Variants in DIDO1 observed in about 807,000 individuals in gnomAD.
DIDO1 encodes death inducer-obliterator 1.
Under a neutral mutation model 99.4 loss-of-function variants are expected in DIDO1, and 16 were observed. That is an observed-to-expected ratio of 0.16 (90% CI 0.11 to 0.24). The LOEUF (loss-of-function observed/expected upper bound fraction) is 0.24. Ranked by LOEUF, DIDO1 falls within the 10% of genes least tolerant of loss-of-function variation. The pLI, the probability that DIDO1 is intolerant of heterozygous loss-of-function variation, is 1.00. For synonymous variants in DIDO1, 1,366 were observed against 1,239.1 expected, an observed-to-expected ratio of 1.10 and a Z score of -2.15; for missense variants, 2,996 against 3,014.0, an observed-to-expected ratio of 0.99 and a Z score of 0.14.
At chr20:62,899,035 G>A (rs919787055) in intron 6 of DIDO1, among the ~76,000 whole-genome samples, 3 of 152,136 alleles carry the variant, frequency 2.0e-5, no homozygotes, top group Non-Finnish European at 4.4e-5. Context: ...AGCAGCGAGG[G>A]GGTGGGGTGA....
rs1356764431 is a variant in DIDO1, at chr20:62,926,123, A to C, written c.-200+316T>G. Among the ~76,000 whole-genome samples the C allele has an allele frequency of 2.0e-5, 3 of 148,594 alleles. No individual in the cohort carries two copies. The East Asian group carries it at 6.0e-4, about 30-fold the overall frequency. ...CTCTTCCCCGCGAGCGGCCGCCCCG[A>C]CTCCCACCCTCGGAACCGTTCCAGC... is the stretch of plus-strand genomic sequence containing the variant. On this transcript the variant is annotated intron_variant, in intron 1 of 15. Transcript: ENST00000395343.
chr20:62,934,781 C>T (rs529567119), intron 1 of DIDO1, among the ~76,000 whole-genome samples: 3 of 152,344 alleles, frequency 2.0e-5, no homozygotes, highest in Admixed American at 2.0e-4. Context: ...CTGGACTTCC[C>T]TGCCGCCTGG....
chr20:62,933,762 T>C (rs2065353326), intron 1 of DIDO1, among the ~76,000 whole-genome samples: 1 of 152,080 alleles, frequency 6.6e-6, no homozygotes, highest in Non-Finnish European at 1.5e-5. Flanking sequence ...TCCCAGCTAC[T>C]CAAGAGGCTA....
chr20:62,881,174 A>C lies in DIDO1; in HGVS notation c.4782T>G (p.Asp1594Glu). ...RGAQGALPER[D>E]ASRGGLVGQA... Reference sequence around the variant, plus strand: ...GGCCCACGAGGCCACCCCTGGAAGCATCTCTCTCGGGCAGGGCACCCTGGG... The same window carrying C: ...GGCCCACGAGGCCACCCCTGGAAGCCTCTCTCTCGGGCAGGGCACCCTGGG... Residue 1594 changes from aspartate (D) to glutamate (E), a missense_variant, in exon 16 of 16, where the codon GAT (aspartate) becomes GAG (glutamate). Physicochemically the swap from Asp to Glu is conservative, Grantham distance 45. This residue lies in a region of DIDO1 where 1,562 missense variants were observed against 1,412.6 expected (regional missense o/e 1.11). Coordinates refer to ENST00000395343, the MANE Select transcript of DIDO1 (RefSeq NM_001193369.2). The surrounding 1 kb of genome is among the most constrained non-coding windows in gnomAD (Gnocchi z 8.3). The C allele has an allele frequency of 1.2e-6, 2 of 1,608,592 alleles. No homozygotes were observed. Among genetic ancestry groups the C allele is most frequent in the South Asian group, 2.2e-5 (2 of 91,006 alleles).
Position 62,911,039 on chromosome 20 carries a change from G to A in DIDO1, c.574C>T (p.Arg192Cys), listed in dbSNP as rs140107767. 11 of 1,613,442 alleles carry A rather than the reference G, an allele frequency of 6.8e-6. No individual in the cohort carries two copies. The highest frequency in any genetic ancestry group is 1.3e-5 in the African/African-American group (1 of 74,904). Residue 192 changes from arginine (R) to cysteine (C), a missense_variant, in exon 3 of 16, where the codon CGC (arginine) becomes TGC (cysteine). Arg to Cys is a radical substitution (Grantham distance 180). Coordinates refer to ENST00000395343, the MANE Select transcript of DIDO1 (RefSeq NM_001193369.2). The surrounding 1 kb of genome is among the most constrained non-coding windows in gnomAD (Gnocchi z 7.0). ...GTCTCGGCGGGACCCTCCTCCCGGC[G>A]CTTCTTCCGCAGGCGACTCTGGATC... ...KGIQSRLRKK[R>C]REEGPAETVG...
chr20:62,922,243 T>C (rs8118931), intron 1 of DIDO1, among the ~76,000 whole-genome samples: 55,411 of 113,924 alleles, frequency 0.49, 11,894 homozygotes, highest in African/African-American at 0.68. Context: ...TATATATATA[T>C]ACACACACAC....
chr20:62,882,216 C>T lies in DIDO1; in HGVS notation c.3740G>A (p.Cys1247Tyr), dbSNP rs760547791. 1.9e-6 allele frequency: 3 copies of T among 1,613,584 alleles called. No individual in the cohort carries two copies. Among genetic ancestry groups the T allele is most frequent in the African/African-American group, 2.7e-5 (2 of 74,896 alleles). The change falls in exon 16 of 16, where the codon TGC becomes TAC. Residue 1247 changes from cysteine (C) to tyrosine (Y), a missense_variant. Physicochemically the swap from Cys to Tyr is radical, Grantham distance 194. This residue lies in a region of DIDO1 where 1,562 missense variants were observed against 1,412.6 expected (regional missense o/e 1.11). Coordinates refer to ENST00000395343, the MANE Select transcript of DIDO1 (RefSeq NM_001193369.2). ...GGTGCTGACAGCCGCGTCTGCAGAG[C>T]AGAGTGGATACTTGGAGGGCTTCTT... ...SEKKPSKYPL[C>Y]SADAAVSTTP...
In DIDO1 at chr20:62,895,174, A is replaced by G; in HGVS notation, c.2215-9T>C. 3 of 1,595,072 alleles carry G rather than the reference A, an allele frequency of 1.9e-6. No individual in the cohort carries two copies. Among genetic ancestry groups the G allele is most frequent in the Non-Finnish European group, 2.6e-6 (3 of 1,163,862 alleles). On this transcript the variant is annotated splice_polypyrimidine_tract_variant and intron_variant, in intron 8 of 15. Coordinates refer to ENST00000395343, the MANE Select transcript of DIDO1 (RefSeq NM_001193369.2). ...ACACGATGGAAGAGTCCCTATAAAC[A>G]AGTATTTTTCATTTACTCAAATAAT...
Position 62,906,107 on chromosome 20 carries a change from A to C in DIDO1, c.1375-7T>G, listed in dbSNP as rs776463991. 1.2e-6 allele frequency: 2 copies of C among 1,602,812 alleles called. No individual in the cohort carries two copies. Among genetic ancestry groups the C allele is most frequent in the African/African-American group, 1.3e-5 (1 of 74,314 alleles). On this transcript the variant is annotated splice_region_variant and splice_polypyrimidine_tract_variant and intron_variant, in intron 5 of 15. Transcript: ENST00000395343. Reference sequence around the variant, plus strand: ...AAGAGATTTTAATACCTGCCTGGATAATCAGTAAAACCCCAAATCATTAAA... The same window carrying C: ...AAGAGATTTTAATACCTGCCTGGATCATCAGTAAAACCCCAAATCATTAAA...
intron 1 of DIDO1, among the ~76,000 whole-genome samples, chr20:62,919,118 C>G (rs2065089961): frequency 1.3e-5 from 2 of 152,216 alleles, no homozygotes; most frequent in Non-Finnish European, 2.9e-5. Flanking sequence ...TTTGGGCCCA[C>G]AAGGAACTGA....
At chr20:62,929,592 G>A (rs1384079724), upstream of DIDO1, among the ~76,000 whole-genome samples, 1 of 151,164 alleles carries the variant, frequency 6.6e-6, no homozygotes, top group Non-Finnish European at 1.5e-5. Flanking sequence ...GGCGCGCCGG[G>A]GGCTGTATCG....
At chr20:62,901,172 C>T (rs904758910) in intron 6 of DIDO1, among the ~76,000 whole-genome samples, 2 of 152,194 alleles carry the variant, frequency 1.3e-5, no homozygotes, top group Non-Finnish European at 2.9e-5. Flanking sequence ...GACTACATCG[C>T]AGACGCTCCT....
intron 2 of DIDO1, among the ~76,000 whole-genome samples, chr20:62,912,289 T>C (rs566036904): frequency 1.3e-5 from 2 of 152,338 alleles, no homozygotes; most frequent in Non-Finnish European, 2.9e-5. Context: ...GTGAGAGAAC[T>C]GCCTAACTCC....
Position 62,880,142 on chromosome 20 carries a change from C to T in DIDO1, c.5814G>A (p.Arg1938=), listed in dbSNP as rs1249511472. 3 of 1,612,456 alleles carry T rather than the reference C, an allele frequency of 1.9e-6. No individual in the cohort carries two copies. The highest frequency in any genetic ancestry group is 3.3e-5 in the Admixed American group (2 of 60,000). The part of the protein sequence containing the change: ...GPHPSQFETA[R]GPHPNQFEGP... ...CTTCAAACTGGTTGGGATGAGGGCC[C>T]CGGGCAGTTTCAAACTGACTAGGAT... The change falls in exon 16 of 16, where the codon CGG becomes CGA. Residue 1938 remains arginine, a synonymous_variant. Coordinates refer to ENST00000395343, the MANE Select transcript of DIDO1 (RefSeq NM_001193369.2).
chr20:62,906,114 A>G lies in DIDO1; in HGVS notation c.1375-14T>C. On this transcript the variant is annotated splice_polypyrimidine_tract_variant and intron_variant, in intron 5 of 15. Coordinates refer to ENST00000395343, the MANE Select transcript of DIDO1 (RefSeq NM_001193369.2). The stretch of plus-strand genomic sequence containing the variant: ...TTTAATACCTGCCTGGATAATCAGT[A>G]AAACCCCAAATCATTAAAAAGGTAA... The G allele has an allele frequency of 1.3e-6, 2 of 1,599,426 alleles. No individual in the cohort carries two copies. The highest frequency in any genetic ancestry group is 3.3e-4 in the Middle Eastern group (2 of 6,010).
At chr20:62,899,286 A>G (rs1460996770) in intron 6 of DIDO1, among the ~76,000 whole-genome samples, 1 of 152,248 alleles carries the variant, frequency 6.6e-6, no homozygotes, top group Admixed American at 6.5e-5. Context: ...AAGCATTTCC[A>G]GAAACCTCGG....
In DIDO1 at chr20:62,882,228, T is replaced by G. The variant is rs1345421787; in HGVS notation, c.3728A>C (p.Lys1243Thr). 1.2e-6 allele frequency: 2 copies of G among 1,613,714 alleles called. No homozygotes were observed. Among genetic ancestry groups the G allele is most frequent in the Admixed American group, 3.3e-5 (2 of 60,018 alleles). Residue 1243 changes from lysine (K) to threonine (T), a missense_variant, in exon 16 of 16, where the codon AAG becomes ACG. Around this residue, in one of 5 missense-constraint regions of DIDO1, gnomAD observed 1,562 missense variants for 1,412.6 expected, o/e 1.11. Transcript: ENST00000395343. ...CGCGTCTGCAGAGCAGAGTGGATAC[T>G]TGGAGGGCTTCTTTTCCGACTGCGG... is the stretch of plus-strand genomic sequence containing the variant. ...TVPQSEKKPS[K>T]YPLCSADAAV...
chr20:62,891,370 C>CCGGTCA (rs1282226920), intron 14 of DIDO1, among the ~76,000 whole-genome samples: 1 of 152,196 alleles, frequency 6.6e-6, no homozygotes, highest in Non-Finnish European at 1.5e-5. Flanking sequence ...CACGACGGCC[C>CCGGTCA]CGGTCACGAG....
At chr20:62,903,643 A>C (rs1260703239) in intron 6 of DIDO1, among the ~76,000 whole-genome samples, 1 of 152,210 alleles carries the variant, frequency 6.6e-6, no homozygotes, top group Non-Finnish European at 1.5e-5. Context: ...TGCTCCAATC[A>C]ATCACCTTTT....
Sources: gnomAD v4.1 joint callset for allele counts (sites outside exome capture counted in the v4.1 genomes callset) on GRCh38, gnomAD v4.1.1 for gene constraint, gnomAD v4.1.1 regional missense constraint, Gnocchi (gnomAD v3.1) non-coding constraint, MANE v1.5 for transcripts, NCBI Gene and HGNC (gene_info 2026-07-23, HGNC 2026-07-21) for gene names.